TACC2: variants seen among roughly 807,000 people sequenced by gnomAD.
TACC2 encodes transforming acidic coiled-coil containing protein 2.
A neutral mutation model predicts 227.3 loss-of-function variants in TACC2; 137 were observed. The ratio of observed to expected loss-of-function variants is 0.60; its 90% CI spans 0.52 to 0.69. The LOEUF (loss-of-function observed/expected upper bound fraction) is 0.69, where lower values mean the gene tolerates loss of function less well. Ranked by LOEUF, TACC2 falls within the 30% of genes least tolerant of loss-of-function variation. The pLI is 0.00. For synonymous variants in TACC2, 1,523 were observed against 1,487.5 expected (o/e 1.02, Z -0.55); for missense variants, 3,470 against 3,694.4 (o/e 0.94, Z 1.57).
In TACC2 at chr10:122,084,771, G is replaced by A. The variant is rs747403207; in HGVS notation, c.2271G>A (p.Thr757=). The A allele has an allele frequency of 4.2e-5, 68 of 1,613,468 alleles. 1 individual carries two copies. The highest frequency in any genetic ancestry group is 9.9e-5 in the South Asian group (9 of 91,088). The stretch of plus-strand genomic sequence containing the variant: ...GCTGTGATGGGGAGGGCTTGCTGAC[G>A]TCCCCAGATCAACCCCGCGGGCCGG... ...MGSCDGEGLL[T]SPDQPRGPAC... is the part of the protein sequence containing the mutation. The change falls in exon 4 of 23, where the codon ACG becomes ACA. Residue 757 remains threonine, a synonymous_variant. Transcript: ENST00000369005.
At chr10:122,140,772 G>A (rs997653007) in intron 6 of TACC2, among the ~76,000 whole-genome samples, 1 of 152,234 alleles carries the variant, frequency 6.6e-6, no homozygotes, top group Non-Finnish European at 1.5e-5. Context: ...TTGGTGAGGA[G>A]CTGGCTGCCG....
intron 5 of TACC2, among the ~76,000 whole-genome samples, chr10:122,132,114 C>T (rs1280201198): frequency 2.6e-5 from 4 of 151,562 alleles, no homozygotes; most frequent in Non-Finnish European, 5.9e-5. Context: ...TAAACACTTA[C>T]TTGAGGTTTC....
chr10:122,093,187 T>G, intron 5 of TACC2, among the ~76,000 whole-genome samples: 1 of 152,290 alleles, frequency 6.6e-6, no homozygotes, highest in East Asian at 1.9e-4. Context: ...TCCCAGATGC[T>G]TAGGGTCTTT....
chr10:122,098,331 T>C (rs1247926367), intron 5 of TACC2, among the ~76,000 whole-genome samples: 6 of 152,202 alleles, frequency 3.9e-5, no homozygotes, highest in Non-Finnish European at 8.8e-5. Context: ...AGGGCATGGC[T>C]CTTGGTTACC....
In TACC2 at chr10:122,087,412, A is replaced by C. The variant is rs760644346; in HGVS notation, c.4912A>C (p.Arg1638=). 6.2e-7 allele frequency: 1 copy of C among 1,613,978 alleles called. No individual in the cohort carries two copies. The highest frequency in any genetic ancestry group is 1.7e-5 in the Admixed American group (1 of 60,016). ...GTCCACGTGTGCCCCTTCTCCTCAGAGGGAGGTTTTGACTGTGCCTGAGGC... is the reference window on the plus strand; with the variant it reads ...GTCCACGTGTGCCCCTTCTCCTCAGCGGGAGGTTTTGACTGTGCCTGAGGC... ...PRSTCAPSPQ[R]EVLTVPEANS... The change falls in exon 4 of 23, where the codon AGG becomes CGG. Residue 1638 remains arginine, a synonymous_variant. Transcript: ENST00000369005.
At chr10:122,047,550 T>C (rs2075166289) in intron 2 of TACC2, among the ~76,000 whole-genome samples, 1 of 152,128 alleles carries the variant, frequency 6.6e-6, no homozygotes, top group Admixed American at 6.6e-5. Context: ...TCCCCAGCTC[T>C]TTCTGCCTCC....
chr10:122,178,906 CT>C (rs887676207), intron 7 of TACC2, among the ~76,000 whole-genome samples: 1 of 152,142 alleles, frequency 6.6e-6, no homozygotes, highest in Non-Finnish European at 1.5e-5. Context: ...TAAACCCCTA[CT>C]GTTTTTAAAG....
intron 1 of TACC2, among the ~76,000 whole-genome samples, chr10:121,990,172 A>G (rs1019300766): frequency 1.8e-4 from 27 of 151,548 alleles, no homozygotes; most frequent in Admixed American, 1.3e-3. Context: ...GTGCAGTGGC[A>G]TAATGATGGT....
At chr10:122,023,837 A>G (rs1403709179) in intron 2 of TACC2, 2 of 145,920 alleles carry the variant, frequency 1.4e-5, no homozygotes, top group Non-Finnish European at 3.0e-5. Flanking sequence ...AAAAAAAAAG[A>G]CTGGGTGTGA....
chr10:122,195,102 C>T lies in TACC2; in HGVS notation c.5897C>T (p.Pro1966Leu). 6.2e-7 allele frequency: 1 copy of T among 1,613,708 alleles called. No homozygotes were observed. The highest frequency in any genetic ancestry group is 8.5e-7 in the Non-Finnish European group (1 of 1,179,730). Residue 1966 changes from proline to leucine, a missense_variant, in exon 8 of 23, where the codon CCA becomes CTA. Physicochemically the swap from Pro to Leu is moderately conservative, Grantham distance 98. Around this residue, in one of 10 missense-constraint regions of TACC2, gnomAD observed 593 missense variants for 636.6 expected, o/e 0.93. Coordinates refer to ENST00000369005, the MANE Select transcript of TACC2 (RefSeq NM_206862.4). The part of the protein sequence containing the change: ...PESTTPVKAP[P>L]APPPPPPEVI... ...TCAACGACCCCTGTCAAAGCTCCGCCAGCTCCACCCCCACCACCCCCCGAA... is the reference window on the plus strand; with the variant it reads ...TCAACGACCCCTGTCAAAGCTCCGCTAGCTCCACCCCCACCACCCCCCGAA...
At chr10:122,158,345 T>C (rs1052891196) in intron 7 of TACC2, among the ~76,000 whole-genome samples, 2 of 151,462 alleles carry the variant, frequency 1.3e-5, no homozygotes, top group Non-Finnish European at 2.9e-5. Context: ...GCTGAGATCG[T>C]GCCACTGCAC....
intron 11 of TACC2, among the ~76,000 whole-genome samples, chr10:122,223,960 C>T (rs80241262): frequency 0.015 from 2,273 of 152,226 alleles, 54 homozygotes; most frequent in African/African-American, 0.048. Flanking sequence ...TGGCACTGTG[C>T]AAACCATATA....
At chr10:122,196,691 A>T (rs1156431617) in intron 8 of TACC2, among the ~76,000 whole-genome samples, 8 of 152,138 alleles carry the variant, frequency 5.3e-5, no homozygotes, top group African/African-American at 1.9e-4. Flanking sequence ...TTAAGAATAA[A>T]CTATTCTGGC....
At chr10:121,999,756 A>G (rs1954039098) in intron 1 of TACC2, among the ~76,000 whole-genome samples, 1 of 152,166 alleles carries the variant, frequency 6.6e-6, no homozygotes, top group Non-Finnish European at 1.5e-5. Context: ...ACTGATGTCA[A>G]TCTTGGAGAA....
At chr10:122,063,163 T>C (rs1381369206) in intron 3 of TACC2, among the ~76,000 whole-genome samples, 1 of 152,214 alleles carries the variant, frequency 6.6e-6, no homozygotes, top group African/African-American at 2.4e-5. Flanking sequence ...GGTCAGTTCT[T>C]AGCAGAAAAA....
In TACC2 at chr10:122,017,124, G is replaced by A. The variant is rs543605846; in HGVS notation, c.-45-4813G>A. ...AATCTGTGGTGGTGTTACAGCAGCCGGAGCTGACCAGAGCAGCCTCTCCTC... is the reference window on the plus strand; with the variant it reads ...AATCTGTGGTGGTGTTACAGCAGCCAGAGCTGACCAGAGCAGCCTCTCCTC... On this transcript the variant is annotated intron_variant, in intron 1 of 22. Transcript: ENST00000369005. Among the ~76,000 whole-genome samples, 60 of 152,200 alleles carry A rather than the reference G, an allele frequency of 3.9e-4. No individual in the cohort carries two copies. In the South Asian group the frequency reaches 8.7e-3, roughly 22 times the overall value.
chr10:122,122,312 G>A (rs1423071749), intron 5 of TACC2, among the ~76,000 whole-genome samples: 1 of 152,070 alleles, frequency 6.6e-6, no homozygotes, highest in African/African-American at 2.4e-5. Flanking sequence ...CCGAGATCGT[G>A]CCACTGTACT....
At chr10:122,113,644 C>T (rs1165313487) in intron 5 of TACC2, among the ~76,000 whole-genome samples, 1 of 152,248 alleles carries the variant, frequency 6.6e-6, no homozygotes, top group Non-Finnish European at 1.5e-5. Flanking sequence ...GGGCTCTTTC[C>T]CAGCTCGTGT....
In TACC2 at chr10:122,087,116, C is replaced by T. The variant is rs146103943; in HGVS notation, c.4616C>T (p.Pro1539Leu). The T allele has an allele frequency of 7.7e-5, 124 of 1,609,760 alleles. No individual in the cohort carries two copies. The highest frequency in any genetic ancestry group is 8.5e-7 in the Non-Finnish European group (1 of 1,178,604). The change falls in exon 4 of 23, where the codon CCA becomes CTA. Residue 1539 changes from proline to leucine, a missense_variant. By Grantham distance (98) the Pro-to-Leu change is moderately conservative (BLOSUM62 -3). This residue lies in a region of TACC2 where 1,924 missense variants were observed against 1,978.3 expected (regional missense o/e 0.97). Transcript: ENST00000369005. The stretch of plus-strand genomic sequence containing the variant: ...CCAGAGGGGCCTGGGGCAGCCTGGC[C>T]AGGCCTGGAAGGCCAGGCTTACTCA... ...ERPEGPGAAW[P>L]GLEGQAYSQL...
Sources: gnomAD v4.1 joint callset for allele counts (sites outside exome capture counted in the v4.1 genomes callset) on GRCh38, gnomAD v4.1.1 for gene constraint, gnomAD v4.1.1 regional missense constraint, MANE v1.5 for transcripts, NCBI Gene and HGNC (gene_info 2026-07-23, HGNC 2026-07-21) for gene names.